The following CCDC38 variants were observed in gnomAD, a reference collection of about 807,000 sequenced individuals.
CCDC38 encodes coiled-coil domain containing 38, also known as coiled-coil domain-containing protein 38.
CCDC38 carries 69 observed loss-of-function variants against 72.8 expected under a neutral mutation model. The ratio of observed to expected loss-of-function variants is 0.95; its 90% CI spans 0.78 to 1.16. CCDC38 has a LOEUF of 1.16. Among genes scored for constraint, CCDC38 ranks in the 50% most tolerant of loss-of-function variants. The probability of loss-of-function intolerance (pLI) is 0.00; values close to 1 mark genes in which losing one functional copy is unlikely to be tolerated. For synonymous variants in CCDC38, 201 were observed against 213.2 expected (o/e 0.94, Z 0.50); for missense variants, 626 against 638.9 (o/e 0.98, Z 0.22).
At chr12:95,893,522 A>G (rs1418756461) in intron 8 of CCDC38, among the ~76,000 whole-genome samples, 1 of 144,082 alleles carries the variant, frequency 6.9e-6, no homozygotes, top group African/African-American at 2.6e-5. Flanking sequence ...TCTCACTCCC[A>G]TCACCCAGGC....
intron 1 of CCDC38, among the ~76,000 whole-genome samples, chr12:95,940,018 G>A (rs1457742104): frequency 6.6e-6 from 1 of 151,334 alleles, no homozygotes; most frequent in African/African-American, 2.5e-5. Context: ...TTCCTTACAG[G>A]CCTGGTGCAA....
At chr12:95,932,442 C>T (rs10859988) in intron 2 of CCDC38, among the ~76,000 whole-genome samples, 65,751 of 151,378 alleles carry the variant, frequency 0.43, 14,618 homozygotes, top group Admixed American at 0.55. Context: ...TTTGTTTTTT[C>T]TTAAATCATA....
At chr12:95,914,184 G>A (rs866109244) in intron 4 of CCDC38, among the ~76,000 whole-genome samples, 3 of 152,060 alleles carry the variant, frequency 2.0e-5, no homozygotes. Flanking sequence ...AATTAGCCAG[G>A]TATAGTGGCA....
intron 4 of CCDC38, among the ~76,000 whole-genome samples, chr12:95,906,720 A>G (rs1269812280): frequency 6.6e-6 from 1 of 151,510 alleles, no homozygotes; most frequent in Non-Finnish European, 1.5e-5. Context: ...GGTACTTACT[A>G]CTATCCCCAT....
chr12:95,886,027 AGGC>A (rs1350737779), intron 10 of CCDC38, among the ~76,000 whole-genome samples: 29 of 151,826 alleles, frequency 1.9e-4, no homozygotes, highest in Admixed American at 1.1e-3. Flanking sequence ...TGTGAAATCA[AGGC>A]CATACATAAT....
intron 7 of CCDC38, among the ~76,000 whole-genome samples, chr12:95,896,260 G>C (rs1198813260): frequency 6.6e-6 from 1 of 152,010 alleles, no homozygotes; most frequent in African/African-American, 2.4e-5. Flanking sequence ...CTCAAACCTA[G>C]GTCCATCTGA....
At chr12:95,902,921 C>T (rs57530316) in intron 5 of CCDC38, among the ~76,000 whole-genome samples, 10,381 of 152,000 alleles carry the variant, frequency 0.068, 856 homozygotes, top group African/African-American at 0.2. Context: ...ACAAGAAAGA[C>T]GCCTGGGATT....
At chr12:95,941,890 A>C in intron 1 of CCDC38, among the ~76,000 whole-genome samples, 1 of 127,704 alleles carries the variant, frequency 7.8e-6, no homozygotes, top group Non-Finnish European at 1.6e-5. Flanking sequence ...TTTCACTCAC[A>C]TTGTCTATAT....
In CCDC38 at chr12:95,878,305, A is replaced by T. The variant is rs1189682122; in HGVS notation, c.1184T>A (p.Leu395His). 6 of 1,613,408 alleles carry T rather than the reference A, an allele frequency of 3.7e-6. No individual in the cohort carries two copies. Among genetic ancestry groups the T allele is most frequent in the Non-Finnish European group, 5.1e-6 (6 of 1,179,760 alleles). Residue 395 changes from leucine to histidine, a missense_variant, in exon 13 of 16, where the codon CTT becomes CAT. Leu to His is a moderately conservative substitution (Grantham distance 99, BLOSUM62 -3). Transcript: ENST00000344280. The stretch of plus-strand genomic sequence containing the variant: ...TTCTTCTCTCACACAGTTAGCTTTA[A>T]GCATTTTTTCTTGCTCCAAAAGAAA... ...IEFLLEQEKMLKANCVREEEK... is the reference protein window; with the variant it reads ...IEFLLEQEKMHKANCVREEEK...
intron 10 of CCDC38, among the ~76,000 whole-genome samples, chr12:95,881,767 C>T (rs2079703099): frequency 6.6e-6 from 1 of 152,194 alleles, no homozygotes; most frequent in Non-Finnish European, 1.5e-5. Context: ...ACACAGCTGA[C>T]ATACACAAAC....
At chr12:95,888,191 A>G (rs893686711) in intron 10 of CCDC38, among the ~76,000 whole-genome samples, 7 of 152,222 alleles carry the variant, frequency 4.6e-5, no homozygotes, top group Admixed American at 4.6e-4. Flanking sequence ...AGCTTAATAA[A>G]AAATAGGGCA....
At chr12:95,940,282 AATCAGCTTCATGTAGAGTCTTAAC>A (rs2080434902) in intron 1 of CCDC38, among the ~76,000 whole-genome samples, 1 of 152,160 alleles carries the variant, frequency 6.6e-6, no homozygotes, top group African/African-American at 2.4e-5. Context: ...GGGGGACCTG[AATCAGCTTCATGTAGAGTCTTAAC>A]ATTCTGAGCT....
intron 1 of CCDC38, among the ~76,000 whole-genome samples, chr12:95,936,951 A>G (rs1001164350): frequency 6.6e-6 from 1 of 152,260 alleles, no homozygotes; most frequent in African/African-American, 2.4e-5. Context: ...TTCATCAAAC[A>G]TGAATCTTGA....
At position 95,901,364 on chromosome 12, in the gene CCDC38, G is replaced by C. The variant is rs550695262; in HGVS notation, c.370-2633C>G. Among the ~76,000 whole-genome samples, 8 of 152,282 alleles carry C rather than the reference G, an allele frequency of 5.3e-5. No individual in the cohort carries two copies. The East Asian group carries it at 9.6e-4, about 18-fold the overall frequency. On this transcript the variant is annotated intron_variant, in intron 5 of 15. Coordinates refer to ENST00000344280, the MANE Select transcript of CCDC38 (RefSeq NM_182496.3). ...AGGGGCGGAGTTTAGGAAACATGAA[G>C]TCTGAAATGGTTATTGAACATCTCG...
chr12:95,892,897 ACCCATAT>A (rs2079844662), intron 8 of CCDC38, among the ~76,000 whole-genome samples: 1 of 152,104 alleles, frequency 6.6e-6, no homozygotes, highest in Non-Finnish European at 1.5e-5. Flanking sequence ...ATGTAGTGGG[ACCCATAT>A]CTGGTCCGTT....
chr12:95,877,712 G>T (rs1368202938), intron 13 of CCDC38, among the ~76,000 whole-genome samples: 1 of 152,160 alleles, frequency 6.6e-6, no homozygotes, highest in Non-Finnish European at 1.5e-5. Context: ...AGATGAACTT[G>T]TCAATAAATA....
chr12:95,886,701 C>T (rs2079763460), intron 10 of CCDC38, among the ~76,000 whole-genome samples: 1 of 152,166 alleles, frequency 6.6e-6, no homozygotes, highest in South Asian at 2.1e-4. Context: ...CAAACAAGCA[C>T]ACGACAAGAT....
chr12:95,938,189 G>A (rs956019466), intron 1 of CCDC38, among the ~76,000 whole-genome samples: 1 of 152,164 alleles, frequency 6.6e-6, no homozygotes, highest in Non-Finnish European at 1.5e-5. Context: ...TTTTTCAAAT[G>A]ACTGAACATT....
chr12:95,895,002 T>C lies in CCDC38; in HGVS notation c.759A>G (p.Pro253=). 6.2e-7 allele frequency: 1 copy of C among 1,606,624 alleles called. No individual in the cohort carries two copies. The highest frequency in any genetic ancestry group is 1.1e-5 in the South Asian group (1 of 89,006). The change falls in exon 8 of 16, where the codon CCA becomes CCG. Residue 253 remains proline, a synonymous_variant. Coordinates refer to ENST00000344280, the MANE Select transcript of CCDC38 (RefSeq NM_182496.3). ...TAAGTAACTTACTTGCTAATATTTTTGGAAGGATGATATTTGCTTTACTTT... is the reference window on the plus strand; with the variant it reads ...TAAGTAACTTACTTGCTAATATTTTCGGAAGGATGATATTTGCTTTACTTT... The part of the protein sequence containing the change: ...ASKSKANIIL[P]KILAKLSLHS...
Sources: gnomAD v4.1 joint callset for allele counts (sites outside exome capture counted in the v4.1 genomes callset) on GRCh38, gnomAD v4.1.1 for gene constraint, MANE v1.5 for transcripts, NCBI Gene and HGNC (gene_info 2026-07-23, HGNC 2026-07-21) for gene names.